The following CNTN4 variants were observed in gnomAD, a reference collection of about 807,000 sequenced individuals.
The protein encoded by CNTN4 is contactin-4.
A neutral mutation model predicts 122.5 loss-of-function variants in CNTN4; 77 were observed. That is an observed-to-expected ratio of 0.63 (90% CI 0.52 to 0.76). The LOEUF (loss-of-function observed/expected upper bound fraction) is 0.76, where lower values mean the gene tolerates loss of function less well. Among genes scored for constraint, CNTN4 ranks in the 30% least tolerant of loss-of-function variants. CNTN4 has a pLI of 0.00. For synonymous variants in CNTN4, 512 were observed against 447.0 expected (o/e 1.15, Z -1.83); for missense variants, 1,256 against 1,259.1 (o/e 1.00, Z 0.04).
intron 2 of CNTN4, among the ~76,000 whole-genome samples, chr3:2,333,181 CCTGT>C (rs1289781412): frequency 1.3e-5 from 2 of 152,186 alleles, no homozygotes; most frequent in Non-Finnish European, 2.9e-5. Context: ...CAATCCCCTC[CCTGT>C]CTTAGATTCA....
intron 2 of CNTN4, among the ~76,000 whole-genome samples, chr3:2,152,264 A>T (rs536076231): frequency 1.3e-5 from 2 of 152,318 alleles, no homozygotes; most frequent in Non-Finnish European, 2.9e-5. Context: ...AAGCCTCTGT[A>T]ACTGGAACAG....
intron 2 of CNTN4, among the ~76,000 whole-genome samples, chr3:2,199,520 A>C (rs183170624): frequency 2.6e-4 from 40 of 152,170 alleles, no homozygotes; most frequent in African/African-American, 7.7e-4. Flanking sequence ...TCTGCTTCTG[A>C]CTCCATGAGT....
At chr3:2,780,917 C>T (rs574246762) in intron 6 of CNTN4, among the ~76,000 whole-genome samples, 1 of 152,234 alleles carries the variant, frequency 6.6e-6, no homozygotes, top group Non-Finnish European at 1.5e-5. Context: ...CTCACAATTC[C>T]AAACCCAAGT....
chr3:2,757,374 A>C (rs2090385732), intron 6 of CNTN4, among the ~76,000 whole-genome samples: 1 of 152,158 alleles, frequency 6.6e-6, no homozygotes, highest in Non-Finnish European at 1.5e-5. Context: ...GTTGGCCCTG[A>C]GTCCCGCTCT....
At chr3:2,581,347 G>T (rs1381381378) in intron 4 of CNTN4, among the ~76,000 whole-genome samples, 1 of 152,118 alleles carries the variant, frequency 6.6e-6, no homozygotes, top group Non-Finnish European at 1.5e-5. Context: ...TATATAAGGG[G>T]ATTCTGATGC....
In CNTN4 at chr3:2,774,579, G is replaced by A. The variant is rs541350422; in HGVS notation, c.358+28882G>A. Among the ~76,000 whole-genome samples, 3 of 152,150 alleles carry A rather than the reference G, an allele frequency of 2.0e-5. No individual in the cohort carries two copies. In the South Asian group the frequency reaches 6.2e-4, roughly 32 times the overall value. On this transcript the variant is annotated intron_variant, in intron 6 of 24. Coordinates refer to ENST00000418658, the MANE Select transcript of CNTN4 (RefSeq NM_175607.3). ...TGTGAACTTTAGAAAACAATTGATA[G>A]CTTATGTATTTTCAGTTTTGGAAAA...
intron 14 of CNTN4, among the ~76,000 whole-genome samples, chr3:3,003,698 AAAAAAAAAAAAAAAAAC>A (rs1559775931): frequency 2.2e-5 from 3 of 138,318 alleles, no homozygotes; most frequent in South Asian, 2.2e-4. Flanking sequence ...AAAAAAAAAA[AAAAAAAAAAAAAAAAAC>A]AAAAAAACCC....
At chr3:2,633,922 G>A (rs970670420) in intron 4 of CNTN4, among the ~76,000 whole-genome samples, 13 of 152,154 alleles carry the variant, frequency 8.5e-5, no homozygotes, top group Non-Finnish European at 5.9e-5. Flanking sequence ...TCTACTTAAA[G>A]TTCCATTACC....
chr3:2,723,374 CACAAAATA>C (rs1485006516), intron 4 of CNTN4, among the ~76,000 whole-genome samples: 1 of 152,200 alleles, frequency 6.6e-6, no homozygotes, highest in African/African-American at 2.4e-5. Context: ...GTGCTGCTAT[CACAAAATA>C]CCTGAGACTA....
At chr3:2,612,897 C>G (rs1195829527) in intron 4 of CNTN4, among the ~76,000 whole-genome samples, 1 of 152,110 alleles carries the variant, frequency 6.6e-6, no homozygotes, top group African/African-American at 2.4e-5. Flanking sequence ...GAGTGTTAGC[C>G]TTAGTGACCT....
chr3:2,357,473 A>G (rs1033405618), intron 3 of CNTN4, among the ~76,000 whole-genome samples: 6 of 152,186 alleles, frequency 3.9e-5, no homozygotes, highest in African/African-American at 9.7e-5. Context: ...GCCTTAATTC[A>G]CTATCGCTGT....
At chr3:2,397,514 G>A (rs1305195664) in intron 3 of CNTN4, among the ~76,000 whole-genome samples, 3 of 151,652 alleles carry the variant, frequency 2.0e-5, no homozygotes, top group African/African-American at 2.4e-5. Flanking sequence ...AGCAGTTTCT[G>A]GATATTTTAG....
intron 13 of CNTN4, among the ~76,000 whole-genome samples, chr3:2,983,168 C>T (rs950855653): frequency 1.9e-4 from 22 of 117,200 alleles, no homozygotes; most frequent in African/African-American, 5.7e-4. Context: ...GAGCCGAGAT[C>T]GCAGCACTGC....
rs147925561 is a variant in CNTN4 at position 2,656,257 on chromosome 3, C to G, written c.56-79958C>G. 4.7e-3 allele frequency among the ~76,000 whole-genome samples: 716 copies of G among 152,270 alleles called. 7 individuals are homozygous for G. Among genetic ancestry groups the G allele is most frequent in the Non-Finnish European group, 4.2e-3 (285 of 68,018 alleles). The stretch of plus-strand genomic sequence containing the variant: ...AATATTTCCAAGAGAGAAAAATTTA[C>G]TCAAAGTCCAAGAAATTCAGAGTAA... On this transcript the variant is annotated intron_variant, in intron 4 of 24. Transcript: ENST00000418658.
In CNTN4 at chr3:2,864,740, CA is replaced by C. The variant is rs56398439; in HGVS notation, c.455-1997del. ...GGCAACAAAAAGCAAAACTCCATCT[CA>C]AAAAAAAAAAAAAAGTTTCCGGTAT... On this transcript the variant is annotated intron_variant, in intron 7 of 24. Coordinates refer to ENST00000418658, the MANE Select transcript of CNTN4 (RefSeq NM_175607.3). 2.4e-3 allele frequency among the ~76,000 whole-genome samples: 129 copies of C among 54,656 alleles called. 3 individuals carry two copies. Among genetic ancestry groups the C allele is most frequent in the Non-Finnish European group, 1.9e-3 (57 of 29,942 alleles). 35.9% of individuals were successfully genotyped at this position (54,656 alleles called of 152,430 possible).
intron 4 of CNTN4, among the ~76,000 whole-genome samples, chr3:2,616,635 C>T (rs55710297): frequency 0.28 from 42,015 of 152,044 alleles, 7,234 homozygotes; most frequent in Middle Eastern, 0.44. Flanking sequence ...GTGTCACCAG[C>T]GTCTATTGTT....
At chr3:2,846,786 T>C (rs990091711) in intron 7 of CNTN4, among the ~76,000 whole-genome samples, 2 of 152,084 alleles carry the variant, frequency 1.3e-5, no homozygotes, top group Admixed American at 1.3e-4. Context: ...CACCTGAGGT[T>C]GGGAGTTCGA....
intron 3 of CNTN4, among the ~76,000 whole-genome samples, chr3:2,561,563 G>A (rs1575999382): frequency 6.6e-6 from 1 of 151,970 alleles, no homozygotes; most frequent in Non-Finnish European, 1.5e-5. Context: ...TCCTTCCACT[G>A]CTTGCCCCTC....
intron 2 of CNTN4, among the ~76,000 whole-genome samples, chr3:2,125,203 G>A (rs2034065492): frequency 6.6e-6 from 1 of 152,118 alleles, no homozygotes; most frequent in African/African-American, 2.4e-5. Flanking sequence ...TATATAAGTA[G>A]AATCACCCAG....
Sources: gnomAD v4.1 joint callset for allele counts (sites outside exome capture counted in the v4.1 genomes callset) on GRCh38, gnomAD v4.1.1 for gene constraint, MANE v1.5 for transcripts, NCBI Gene and HGNC (gene_info 2026-07-23, HGNC 2026-07-21) for gene names.